The following LUC7L3 variants were observed in gnomAD, a reference collection of about 807,000 sequenced individuals.
LUC7L3 encodes luc7-like protein 3.
A neutral mutation model predicts 66.8 loss-of-function variants in LUC7L3; 6 were observed. The ratio of observed to expected loss-of-function variants is 0.09; its 90% CI spans 0.05 to 0.18. LUC7L3 has a LOEUF of 0.18. LUC7L3 is among the 10% of genes least tolerant of loss of function. LUC7L3 has a pLI of 1.00. For synonymous variants in LUC7L3, 160 were observed against 174.7 expected, an observed-to-expected ratio of 0.92 and a Z score of 0.66; for missense variants, 341 against 531.1, an observed-to-expected ratio of 0.64 and a Z score of 3.52.
chr17:50,744,130 C>G (rs575737061), intron 6 of LUC7L3, among the ~76,000 whole-genome samples: 2 of 152,318 alleles, frequency 1.3e-5, no homozygotes, highest in South Asian at 4.1e-4. Flanking sequence ...ATAAATTACT[C>G]AGTACATACT....
At chr17:50,729,871 G>T (rs1969441525) in intron 1 of LUC7L3, among the ~76,000 whole-genome samples, 1 of 128,202 alleles carries the variant, frequency 7.8e-6, no homozygotes, top group Admixed American at 8.4e-5. Flanking sequence ...TAGATAATCA[G>T]AAGTATATAT....
intron 1 of LUC7L3, chr17:50,736,681 T>C (rs113097931): frequency 2.9e-6 from 1 of 339,918 alleles, no homozygotes; most frequent in Non-Finnish European, 5.3e-6. Context: ...TTTTGGGATG[T>C]CTTTCCCATA....
chr17:50,729,036 A>G (rs1012593239), intron 1 of LUC7L3, among the ~76,000 whole-genome samples: 1 of 152,250 alleles, frequency 6.6e-6, no homozygotes, highest in Non-Finnish European at 1.5e-5. Context: ...GACATATAAC[A>G]AAAGTTTTAC....
At chr17:50,731,626 A>C (rs1277565594) in intron 1 of LUC7L3, among the ~76,000 whole-genome samples, 1 of 152,214 alleles carries the variant, frequency 6.6e-6, no homozygotes, top group African/African-American at 2.4e-5. Context: ...TATTGTGTAG[A>C]GTAACAGATA....
intron 1 of LUC7L3, among the ~76,000 whole-genome samples, chr17:50,726,696 A>G (rs1475884481): frequency 6.6e-6 from 1 of 152,234 alleles, no homozygotes; most frequent in Non-Finnish European, 1.5e-5. Flanking sequence ...TAAATACAGC[A>G]CTGTAAATGT....
chr17:50,744,513 G>A (rs1328129151), intron 6 of LUC7L3, 139 bp from the exon 7 acceptor site: 27 of 724,532 alleles, frequency 3.7e-5, no homozygotes, highest in Admixed American at 9.5e-5. Context: ...TTGACCACTT[G>A]TAGTCCAATA....
At position 50,754,333 on chromosome 17, in the gene LUC7L3, A is replaced by T. The variant is rs1971071075; in HGVS notation, c.*3672A>T. Reference sequence around the variant, plus strand: ...TAACTCATCACCAACAAGACTCATGACCACTTTTATACTTCATGAGTGATT... The same window carrying T: ...TAACTCATCACCAACAAGACTCATGTCCACTTTTATACTTCATGAGTGATT... On this transcript the variant is annotated 3_prime_UTR_variant, in exon 10 of 10. Transcript: ENST00000505658. 6.6e-6 allele frequency: 1 copy of T among 152,194 alleles called. No individual in the cohort carries two copies. 9.4% of individuals were successfully genotyped at this position (152,194 alleles called of 1,614,324 possible). A position where few individuals can be genotyped will look rare whatever the true frequency, so the allele number is the denominator to read the frequency against.
chr17:50,749,588 T>A (rs138558479), intron 9 of LUC7L3, among the ~76,000 whole-genome samples: 2 of 152,380 alleles, frequency 1.3e-5, no homozygotes, highest in East Asian at 3.8e-4. Flanking sequence ...GTGCAGAAAC[T>A]ATGTAGAGGG....
In LUC7L3 at chr17:50,741,158, A is replaced by C. The variant is rs1369466707; in HGVS notation, c.263A>C (p.Tyr88Ser). 1 of 1,614,178 alleles carries C rather than the reference A, an allele frequency of 6.2e-7. No homozygotes were observed. Among genetic ancestry groups the C allele is most frequent in the Non-Finnish European group, 8.5e-7 (1 of 1,180,016 alleles). ...GGCTATGAGAGAGATTTTTTGCGATACTTACAGAGCTTACTTGCAGAAGTA... is the reference window on the plus strand; with the variant it reads ...GGCTATGAGAGAGATTTTTTGCGATCCTTACAGAGCTTACTTGCAGAAGTA... ...KVGYERDFLR[Y>S]LQSLLAEVER... The change falls in exon 4 of 10, where the codon TAC (tyrosine) becomes TCC (serine). Residue 88 changes from tyrosine to serine, a missense_variant. Physicochemically the swap from Tyr to Ser is moderately radical, Grantham distance 144. Coordinates refer to ENST00000505658, the MANE Select transcript of LUC7L3 (RefSeq NM_016424.5).
chr17:50,739,566 A>G (rs1257413268), intron 2 of LUC7L3, among the ~76,000 whole-genome samples: 1 of 152,196 alleles, frequency 6.6e-6, no homozygotes, highest in East Asian at 1.9e-4. Context: ...AGGCAGGAGA[A>G]TCCCTTGAAC....
At chr17:50,740,237 C>T (rs1970263350) in intron 2 of LUC7L3, 69 bp from the exon 3 acceptor site, 10 of 1,135,110 alleles carry the variant, frequency 8.8e-6, no homozygotes, top group Non-Finnish European at 1.1e-5. Context: ...AAAAATAACT[C>T]TTTTTTTTTG....
intron 5 of LUC7L3, 63 bp downstream of exon 5, chr17:50,741,794 A>G: frequency 1.6e-6 from 2 of 1,284,156 alleles, no homozygotes; most frequent in Non-Finnish European, 2.3e-6. Context: ...CAGCAAAAAT[A>G]CAAGGATGGG....
At chr17:50,728,930 T>C (rs2146705268) in intron 1 of LUC7L3, among the ~76,000 whole-genome samples, 1 of 152,190 alleles carries the variant, frequency 6.6e-6, no homozygotes, top group African/African-American at 2.4e-5. Context: ...TGTATGGCAT[T>C]TGAGGTATTC....
At chr17:50,736,017 C>T (rs1230763110) in intron 1 of LUC7L3, among the ~76,000 whole-genome samples, 1 of 152,166 alleles carries the variant, frequency 6.6e-6, no homozygotes, top group African/African-American at 2.4e-5. Flanking sequence ...CCTGTAATTC[C>T]AGCTACTTTG....
chr17:50,749,076 G>A (rs1481143319), intron 9 of LUC7L3: 2 of 362,102 alleles, frequency 5.5e-6, no homozygotes, highest in African/African-American at 4.2e-5. Flanking sequence ...CAAATGAAAA[G>A]TGGTTTCTCA....
intron 1 of LUC7L3, among the ~76,000 whole-genome samples, chr17:50,720,459 T>C (rs939842550): frequency 6.6e-6 from 1 of 151,900 alleles, no homozygotes; most frequent in African/African-American, 2.4e-5. Flanking sequence ...AAGGTAAATA[T>C]TATAACCCCA....
intron 1 of LUC7L3, chr17:50,723,979 T>C: frequency 2.2e-6 from 1 of 455,922 alleles, no homozygotes; most frequent in Non-Finnish European, 4.4e-6. Context: ...AGTGTTGGCT[T>C]CTCAGAATTG....
intron 9 of LUC7L3, chr17:50,749,173 A>G (rs1970857558): frequency 1.6e-6 from 2 of 1,275,068 alleles, no homozygotes; most frequent in Non-Finnish European, 2.0e-6. Context: ...TCCACCACAA[A>G]TTGTGGATGT....
At chr17:50,741,056 G>A in intron 3 of LUC7L3, 46 bp from the exon 4 acceptor site, 1 of 1,593,944 alleles carries the variant, frequency 6.3e-7, no homozygotes, top group Non-Finnish European at 8.6e-7. Flanking sequence ...GAGTTGTAAT[G>A]GCTGAAGATT....
Sources: gnomAD v4.1 joint callset for allele counts (sites outside exome capture counted in the v4.1 genomes callset) on GRCh38, gnomAD v4.1.1 for gene constraint, MANE v1.5 for transcripts, NCBI Gene and HGNC (gene_info 2026-07-23, HGNC 2026-07-21) for gene names.